RASAL2: variants seen among roughly 807,000 people sequenced by gnomAD.
The protein encoded by RASAL2 is RAS protein activator like 2.
In RASAL2, 58 loss-of-function variants were observed where a neutral mutation model predicts 128.9. The ratio of observed to expected loss-of-function variants is 0.45; its 90% CI spans 0.36 to 0.56. RASAL2 has a LOEUF of 0.56. Ranked by LOEUF, RASAL2 falls within the 20% of genes least tolerant of loss-of-function variation. RASAL2 has a pLI of 0.00. For missense variants in RASAL2, 1,360 were observed against 1,601.6 expected (o/e 0.85, Z 2.57); for synonymous variants, 561 against 580.8 (o/e 0.97, Z 0.49).
intron 2 of RASAL2, among the ~76,000 whole-genome samples, chr1:178,292,973 T>G (rs1010885681): frequency 6.6e-6 from 1 of 152,224 alleles, no homozygotes; most frequent in African/African-American, 2.4e-5. Context: ...TGAAAGTGTT[T>G]ACACTCAGAT....
At chr1:178,185,114 T>G (rs541150492) in intron 1 of RASAL2, among the ~76,000 whole-genome samples, 60 of 151,942 alleles carry the variant, frequency 3.9e-4, no homozygotes, top group African/African-American at 8.9e-4. Flanking sequence ...AGTTTTTGTT[T>G]TTTTTTTTTT....
At chr1:178,339,259 T>C (rs1259056491) in intron 3 of RASAL2, among the ~76,000 whole-genome samples, 1 of 152,178 alleles carries the variant, frequency 6.6e-6, no homozygotes, top group East Asian at 1.9e-4. Flanking sequence ...TTTACACAGT[T>C]AGGACCTATT....
intron 1 of RASAL2, among the ~76,000 whole-genome samples, chr1:178,168,843 A>C (rs972593853): frequency 1.3e-5 from 2 of 152,094 alleles, no homozygotes; most frequent in Non-Finnish European, 2.9e-5. Context: ...AGTGTTTTGC[A>C]GCTCCTATGT....
At chr1:178,420,457 G>A (rs1050718262) in intron 4 of RASAL2, 54 bp from the exon 5 acceptor site, 37 of 1,163,220 alleles carry the variant, frequency 3.2e-5, no homozygotes, top group African/African-American at 4.6e-5. Context: ...TAGTGTGGAC[G>A]AGTAACATTC....
chr1:178,099,524 ATTG>A (rs1658814327), intron 1 of RASAL2, among the ~76,000 whole-genome samples: 2 of 152,166 alleles, frequency 1.3e-5, no homozygotes, highest in Non-Finnish European at 2.9e-5. Flanking sequence ...ACATCTTAGT[ATTG>A]TTCTACCCTC....
intron 3 of RASAL2, among the ~76,000 whole-genome samples, chr1:178,307,391 A>G (rs1668048370): frequency 6.6e-6 from 1 of 152,200 alleles, no homozygotes; most frequent in African/African-American, 2.4e-5. Context: ...ATTTTCCCCT[A>G]GTAACAGTAT....
At chr1:178,177,256 G>C (rs1320541387) in intron 1 of RASAL2, among the ~76,000 whole-genome samples, 1 of 152,206 alleles carries the variant, frequency 6.6e-6, no homozygotes, top group Non-Finnish European at 1.5e-5. Context: ...ATCTGGATCA[G>C]TGTTACTTGG....
chr1:178,133,501 T>C (rs545124093), intron 1 of RASAL2, among the ~76,000 whole-genome samples: 1 of 151,688 alleles, frequency 6.6e-6, no homozygotes, highest in Non-Finnish European at 1.5e-5. Context: ...TTTTTTTTTT[T>C]AAATTACTTT....
At chr1:178,426,424 C>T (rs369872209) in intron 5 of RASAL2, among the ~76,000 whole-genome samples, 2 of 152,030 alleles carry the variant, frequency 1.3e-5, no homozygotes, top group African/African-American at 4.8e-5. Flanking sequence ...TGCAGTCAGC[C>T]GTGATCGTGC....
At chr1:178,454,369 G>A in intron 11 of RASAL2, 78 bp from the exon 12 acceptor site, 17 of 1,221,158 alleles carry the variant, frequency 1.4e-5, no homozygotes, top group Non-Finnish European at 2.0e-5. Flanking sequence ...AAAAGTAATA[G>A]TTCTGTGTAA....
chr1:178,277,434 T>C (rs1041136024), intron 1 of RASAL2, among the ~76,000 whole-genome samples: 4 of 152,128 alleles, frequency 2.6e-5, no homozygotes, highest in Non-Finnish European at 5.9e-5. Context: ...GCTGGGATTA[T>C]AGGCGTGAGC....
intron 1 of RASAL2, among the ~76,000 whole-genome samples, chr1:178,142,567 C>G (rs941703266): frequency 1.3e-5 from 2 of 152,104 alleles, no homozygotes; most frequent in Admixed American, 1.3e-4. Flanking sequence ...AGGCTAAAGG[C>G]AACAGAGCAG....
chr1:178,350,586 C>G (rs1034777067), intron 3 of RASAL2, among the ~76,000 whole-genome samples: 1 of 152,102 alleles, frequency 6.6e-6, no homozygotes, highest in Non-Finnish European at 1.5e-5. Flanking sequence ...TGGTTCTCTG[C>G]TCAGGGCCAA....
chr1:178,374,094 T>C (rs769297291), intron 3 of RASAL2, among the ~76,000 whole-genome samples: 2 of 152,284 alleles, frequency 1.3e-5, no homozygotes, highest in Admixed American at 6.5e-5. Context: ...TCAGCAAATC[T>C]TATTTTTAGG....
intron 1 of RASAL2, among the ~76,000 whole-genome samples, chr1:178,119,844 A>G (rs1191397745): frequency 2.0e-5 from 3 of 152,106 alleles, no homozygotes; most frequent in East Asian, 1.9e-4. Flanking sequence ...TATTTCCTCA[A>G]TTCATCTAGT....
chr1:178,430,671 G>T (rs1572059766), intron 5 of RASAL2, among the ~76,000 whole-genome samples: 1 of 152,044 alleles, frequency 6.6e-6, no homozygotes, highest in Admixed American at 6.6e-5. Context: ...TGTAGGAAGA[G>T]AAATCATTAT....
chr1:178,118,894 T>A (rs954242794), intron 1 of RASAL2, among the ~76,000 whole-genome samples: 9 of 151,632 alleles, frequency 5.9e-5, no homozygotes, highest in Admixed American at 5.3e-4. Flanking sequence ...TGAGATGGAG[T>A]TTCGCTCTTG....
intron 3 of RASAL2, among the ~76,000 whole-genome samples, chr1:178,384,651 G>A (rs1672454429): frequency 6.9e-6 from 1 of 145,746 alleles, no homozygotes; most frequent in Non-Finnish European, 1.5e-5. Context: ...TTGGGAGACT[G>A]AGTCCATGTC....
intron 1 of RASAL2, among the ~76,000 whole-genome samples, chr1:178,160,362 C>T (rs566981858): frequency 3.2e-4 from 49 of 152,172 alleles, no homozygotes; most frequent in African/African-American, 6.5e-4. Flanking sequence ...TCGCTGGGCG[C>T]GGTGGCTCTC....
Sources: gnomAD v4.1 joint callset for allele counts (sites outside exome capture counted in the v4.1 genomes callset) on GRCh38, gnomAD v4.1.1 for gene constraint, MANE v1.5 for transcripts, NCBI Gene and HGNC (gene_info 2026-07-23, HGNC 2026-07-21) for gene names.